Variants in LRRC4C observed in about 807,000 individuals in gnomAD.
The protein encoded by LRRC4C is leucine rich repeat containing 4C.
A neutral mutation model predicts 33.6 loss-of-function variants in LRRC4C; 5 were observed. The ratio of observed to expected loss-of-function variants is 0.15; its 90% confidence interval spans 0.08 to 0.31. The LOEUF (loss-of-function observed/expected upper bound fraction) is 0.31. LRRC4C is among the 10% of genes least tolerant of loss of function. The pLI, the probability that LRRC4C is intolerant of heterozygous loss-of-function variation, is 1.00. For synonymous variants in LRRC4C, 329 were observed against 302.0 expected (o/e 1.09, Z -0.93); for missense variants, 560 against 796.7 (o/e 0.70, Z 3.58).
intron 2 of LRRC4C, among the ~76,000 whole-genome samples, chr11:40,907,669 G>T (rs1956482051): frequency 6.6e-6 from 1 of 152,094 alleles, no homozygotes; most frequent in African/African-American, 2.4e-5. Flanking sequence ...CCTCTCTACA[G>T]CTTGTTCCTT....
At chr11:40,961,659 G>A (rs1850986026) in intron 1 of LRRC4C, among the ~76,000 whole-genome samples, 1 of 151,650 alleles carries the variant, frequency 6.6e-6, no homozygotes, top group Non-Finnish European at 1.5e-5. Context: ...AAGACTTTCA[G>A]CACGAAAGTT....
At position 41,014,370 on chromosome 11, in the gene LRRC4C, A is replaced by G. The variant is rs182740450; in HGVS notation, c.-495-80647T>C. On this transcript the variant is annotated intron_variant, in intron 1 of 6. Transcript: ENST00000528697. ...TCCAACCCAGGTCTAGTTGCCTCCA[A>G]AGAATCTCCTCCTCCATAGTGAGGT... 1.3e-4 allele frequency among the ~76,000 whole-genome samples: 20 copies of G among 152,236 alleles called. No individual in the cohort carries two copies. The East Asian group carries it at 3.7e-3, about 28-fold the overall frequency.
chr11:40,700,577 G>T (rs1338941183), intron 2 of LRRC4C, among the ~76,000 whole-genome samples: 2 of 152,116 alleles, frequency 1.3e-5, no homozygotes, highest in African/African-American at 2.4e-5. Context: ...GGAATGTGGT[G>T]CAGGGAGACT....
chr11:40,464,832 A>G (rs1169958756), intron 3 of LRRC4C, among the ~76,000 whole-genome samples: 1 of 152,082 alleles, frequency 6.6e-6, no homozygotes, highest in Non-Finnish European at 1.5e-5. Context: ...GCAAATGGAA[A>G]AACAGTTCAT....
chr11:40,553,481 T>C (rs1043773310), intron 3 of LRRC4C, among the ~76,000 whole-genome samples: 2 of 152,214 alleles, frequency 1.3e-5, no homozygotes, highest in African/African-American at 4.8e-5. Flanking sequence ...ATTTTCTCTA[T>C]TGTCACTATC....
chr11:40,626,756 C>T (rs887130885), intron 3 of LRRC4C, among the ~76,000 whole-genome samples: 1 of 152,162 alleles, frequency 6.6e-6, no homozygotes, highest in Non-Finnish European at 1.5e-5. Flanking sequence ...TAGTTATTTA[C>T]AGAAGTGATT....
At chr11:40,141,209 A>G (rs1268278052) in intron 5 of LRRC4C, among the ~76,000 whole-genome samples, 1 of 152,116 alleles carries the variant, frequency 6.6e-6, no homozygotes, top group African/African-American at 2.4e-5. Flanking sequence ...AATGATGGAT[A>G]GGAAAGGGTT....
chr11:41,447,094 A>T (rs984712216), intron 1 of LRRC4C, among the ~76,000 whole-genome samples: 4 of 152,194 alleles, frequency 2.6e-5, no homozygotes, highest in South Asian at 2.1e-4. Context: ...AGCATAAAGC[A>T]TGCTATGAAT....
intron 1 of LRRC4C, among the ~76,000 whole-genome samples, chr11:41,391,691 C>G (rs1953602712): frequency 6.6e-6 from 1 of 151,856 alleles, no homozygotes; most frequent in Non-Finnish European, 1.5e-5. Flanking sequence ...AGTCTTACAA[C>G]TGACAGACAT....
At chr11:40,624,558 G>A (rs1281719372) in intron 3 of LRRC4C, among the ~76,000 whole-genome samples, 3 of 152,230 alleles carry the variant, frequency 2.0e-5, no homozygotes, top group Non-Finnish European at 4.4e-5. Flanking sequence ...AGTCTCCAGT[G>A]TGGCTCTCAG....
At chr11:40,138,099 C>T (rs935231637) in intron 6 of LRRC4C, among the ~76,000 whole-genome samples, 1 of 152,178 alleles carries the variant, frequency 6.6e-6, no homozygotes, top group Non-Finnish European at 1.5e-5. Flanking sequence ...TCCAAATCCA[C>T]CTCCTTTTAG....
chr11:40,699,273 A>G (rs974414750), intron 2 of LRRC4C, among the ~76,000 whole-genome samples: 2 of 152,202 alleles, frequency 1.3e-5, no homozygotes, highest in Non-Finnish European at 2.9e-5. Context: ...ATTTATTTGA[A>G]ATGAATTAGT....
chr11:41,238,905 G>A (rs1167544292), intron 1 of LRRC4C, among the ~76,000 whole-genome samples: 1 of 151,976 alleles, frequency 6.6e-6, no homozygotes, highest in Non-Finnish European at 1.5e-5. Context: ...ATTGCTTACT[G>A]GAATTGAATC....
At position 41,096,720 on chromosome 11, in the gene LRRC4C, CA is replaced by C. The variant is rs568563082; in HGVS notation, c.-495-162998del. Among the ~76,000 whole-genome samples, 11 of 152,108 alleles carry C rather than the reference CA, an allele frequency of 7.2e-5. No homozygotes were observed. In the South Asian group the frequency reaches 2.3e-3, roughly 32 times the overall value. On this transcript the variant is annotated intron_variant, in intron 1 of 6. Coordinates refer to ENST00000528697, the MANE Select transcript of LRRC4C (RefSeq NM_001258419.2). ...AAATATACAATGTGAATGCAAACGG[CA>C]AAGATGGAGGGACTTGGACTGAGTG...
chr11:41,120,592 G>A (rs1376802886), intron 1 of LRRC4C, among the ~76,000 whole-genome samples: 1 of 152,178 alleles, frequency 6.6e-6, no homozygotes, highest in Admixed American at 6.5e-5. Flanking sequence ...ATTACTTCAT[G>A]AAGGCAGCTT....
At chr11:40,774,219 T>A (rs1248916600) in intron 2 of LRRC4C, among the ~76,000 whole-genome samples, 2 of 152,134 alleles carry the variant, frequency 1.3e-5, no homozygotes, top group Non-Finnish European at 2.9e-5. Context: ...TGTATAGATA[T>A]ACCACACTTA....
intron 1 of LRRC4C, among the ~76,000 whole-genome samples, chr11:41,206,571 C>A (rs1421622379): frequency 1.3e-5 from 2 of 152,150 alleles, no homozygotes; most frequent in Admixed American, 1.3e-4. Flanking sequence ...TAGAATTATT[C>A]TGCTATTTTC....
chr11:40,863,231 T>A lies in LRRC4C; in HGVS notation c.-407+70404A>T, dbSNP rs546886652. On this transcript the variant is annotated intron_variant, in intron 2 of 6. Transcript: ENST00000528697. ...GCACAGACTAATTCACTCTCACTCA[T>A]GGTCTACTTACCAAGAATATCGCCT... Among the ~76,000 whole-genome samples the A allele has an allele frequency of 2.0e-5, 3 of 152,190 alleles. No homozygotes were observed. In the East Asian group the frequency reaches 5.8e-4, roughly 29 times the overall value.
At chr11:41,316,280 C>G (rs145489149) in intron 1 of LRRC4C, among the ~76,000 whole-genome samples, 1 of 90,656 alleles carries the variant, frequency 1.1e-5, no homozygotes, top group African/African-American at 3.8e-5. Flanking sequence ...AAAAAAAAAA[C>G]AAAAAAAAAC....
Sources: gnomAD v4.1 joint callset for allele counts (sites outside exome capture counted in the v4.1 genomes callset) on GRCh38, gnomAD v4.1.1 for gene constraint, MANE v1.5 for transcripts, NCBI Gene and HGNC (gene_info 2026-07-23, HGNC 2026-07-21) for gene names.